FGF13: variants seen among roughly 807,000 people sequenced by gnomAD.
FGF13 encodes fibroblast growth factor homologous factor 2.
Under a neutral mutation model 19.5 loss-of-function variants are expected in FGF13, and 2 were observed. The observed-to-expected ratio is 0.10, with a 90% CI of 0.04 to 0.32. FGF13 has a LOEUF of 0.32. FGF13 is among the 10% of genes least tolerant of loss of function. The pLI is 1.00. For synonymous variants in FGF13, 72 were observed against 76.9 expected, an observed-to-expected ratio of 0.94 and a Z score of 0.33; for missense variants, 113 against 192.7, an observed-to-expected ratio of 0.59 and a Z score of 2.45.
intron 1 of FGF13, among the ~76,000 whole-genome samples, chrX:139,045,367 G>A (rs774383146): frequency 3.6e-5 from 4 of 112,216 alleles, no homozygotes; most frequent in African/African-American, 9.7e-5. Context: ...TCTCTGAAGT[G>A]CCTTTGAGGC....
At chrX:138,677,900 T>C (rs944759505) in intron 3 of FGF13, among the ~76,000 whole-genome samples, 1 of 111,771 alleles carries the variant, frequency 8.9e-6, no homozygotes, top group African/African-American at 3.3e-5. Context: ...TGCGGCACTA[T>C]TCACAATAGC....
intron 3 of FGF13, among the ~76,000 whole-genome samples, chrX:138,833,445 T>C (rs2091089063): frequency 8.9e-6 from 1 of 112,111 alleles, no homozygotes; most frequent in Non-Finnish European, 1.9e-5. Context: ...AGTTCATTCC[T>C]GATTTGGCTT....
chrX:138,864,390 C>T (rs1305702578), intron 2 of FGF13, among the ~76,000 whole-genome samples: 1 of 112,665 alleles, frequency 8.9e-6, no homozygotes, highest in Non-Finnish European at 1.9e-5. Context: ...ACCACTGCTA[C>T]ACATCAGTGG....
At chrX:138,754,435 T>G (rs1158986107) in intron 3 of FGF13, among the ~76,000 whole-genome samples, 1 of 111,417 alleles carries the variant, frequency 9.0e-6, no homozygotes, top group African/African-American at 3.3e-5. Context: ...CAAACTACTT[T>G]CAGCTTCATG....
chrX:138,902,083 T>C (rs946434991), intron 1 of FGF13, among the ~76,000 whole-genome samples: 1 of 112,254 alleles, frequency 8.9e-6, no homozygotes, highest in East Asian at 2.8e-4. Context: ...TTTGTGAAGC[T>C]AATCATACTT....
rs924697962 is a variant in FGF13 at position 138,628,072 on chromosome X, TAAC to T, written c.*4775_*4777del. On this transcript the variant is annotated 3_prime_UTR_variant, in exon 5 of 5. Transcript: ENST00000315930. Reference sequence around the variant, plus strand: ...GAAAATGTGATGGTTCATGAAAGAGTAACTTCCAAAATTCCTCTAAGCTGGGAT... The same window carrying T: ...GAAAATGTGATGGTTCATGAAAGAGTTTCCAAAATTCCTCTAAGCTGGGAT... 2.7e-5 allele frequency: 3 copies of T among 111,390 alleles called. No homozygotes were observed. Among genetic ancestry groups the T allele is most frequent in the African/African-American group, 9.8e-5 (3 of 30,656 alleles). 9.2% of individuals were successfully genotyped at this position (111,390 alleles called of 1,213,427 possible).
intron 1 of FGF13, among the ~76,000 whole-genome samples, chrX:139,168,111 T>C (rs981171734): frequency 1.4e-4 from 16 of 111,745 alleles, no homozygotes; most frequent in African/African-American, 5.2e-4. Context: ...AACCCAGTGA[T>C]TTTTCAAGAC....
chrX:138,791,515 G>T (rs1397152085), intron 3 of FGF13, among the ~76,000 whole-genome samples: 1 of 112,080 alleles, frequency 8.9e-6, no homozygotes, highest in East Asian at 2.8e-4. Context: ...TCTACCATTG[G>T]TTGTGCTGTT....
At chrX:139,115,248 T>C (rs935740354) in intron 1 of FGF13, among the ~76,000 whole-genome samples, 3 of 112,194 alleles carry the variant, frequency 2.7e-5, no homozygotes, top group South Asian at 3.7e-4. Flanking sequence ...AATCTGCTAG[T>C]TGATTATCCA....
intron 3 of FGF13, among the ~76,000 whole-genome samples, chrX:138,815,897 T>C (rs1161230580): frequency 9.0e-6 from 1 of 111,113 alleles, no homozygotes. Context: ...AAACTGGGTG[T>C]AGAAAGAGTT....
At chrX:138,712,918 G>C (rs1257939411), upstream of FGF13, among the ~76,000 whole-genome samples, 1 of 112,157 alleles carries the variant, frequency 8.9e-6, no homozygotes, top group Non-Finnish European at 1.9e-5. Context: ...AATGCTTTCA[G>C]GCTTCTTAGC....
chrX:139,004,593 A>G (rs931500098), intron 1 of FGF13, among the ~76,000 whole-genome samples: 9 of 112,604 alleles, frequency 8.0e-5, no homozygotes, highest in Non-Finnish European at 1.7e-4. Flanking sequence ...ACGTCTCACC[A>G]GCTCAGCCAC....
At chrX:138,849,430 A>T (rs1031020157) in intron 3 of FGF13, among the ~76,000 whole-genome samples, 4 of 112,241 alleles carry the variant, frequency 3.6e-5, no homozygotes, top group Non-Finnish European at 7.5e-5. Context: ...TCTGTGAAAA[A>T]GATTATAGTT....
chrX:138,728,945 GGTGAACTGAAT>G (rs1381991612), intron 1 of FGF13, among the ~76,000 whole-genome samples: 1 of 111,177 alleles, frequency 9.0e-6, no homozygotes, highest in Non-Finnish European at 1.9e-5. Context: ...TAAAGTCTGT[GGTGAACTGAAT>G]GTCACTAAAG....
intron 1 of FGF13, among the ~76,000 whole-genome samples, chrX:138,885,918 G>T (rs1190341554): frequency 9.2e-6 from 1 of 109,043 alleles, no homozygotes; most frequent in Non-Finnish European, 1.9e-5. Flanking sequence ...TAATTCCAAT[G>T]TTCATATATT....
At chrX:138,896,020 C>A (rs192626673) in intron 1 of FGF13, among the ~76,000 whole-genome samples, 1 of 111,766 alleles carries the variant, frequency 8.9e-6, no homozygotes, top group Non-Finnish European at 1.9e-5. Context: ...AACTCCTGGG[C>A]TCAAAGGGTA....
chrX:138,784,332 A>ATT (rs1167105662), intron 3 of FGF13, among the ~76,000 whole-genome samples: 162 of 99,632 alleles, frequency 1.6e-3, no homozygotes, highest in African/African-American at 5.7e-3. Flanking sequence ...AAAAAAATTA[A>ATT]AAAAAAAAAA....
intron 1 of FGF13, among the ~76,000 whole-genome samples, chrX:139,089,267 G>C (rs73583208): frequency 0.042 from 4,721 of 111,959 alleles, 115 homozygotes; most frequent in East Asian, 0.13. Context: ...GTGGCTCATA[G>C]ACTCTAATTT....
At chrX:138,685,430 T>G (rs1192044452) in intron 3 of FGF13, among the ~76,000 whole-genome samples, 2 of 111,236 alleles carry the variant, frequency 1.8e-5, no homozygotes, top group East Asian at 5.6e-4. Context: ...CCTTTCAGTG[T>G]GACCCTACAC....
Sources: gnomAD v4.1 joint callset for allele counts (sites outside exome capture counted in the v4.1 genomes callset) on GRCh38, gnomAD v4.1.1 for gene constraint, MANE v1.5 for transcripts, NCBI Gene and HGNC (gene_info 2026-07-23, HGNC 2026-07-21) for gene names.